SDK1: variants seen among roughly 807,000 people sequenced by gnomAD.
SDK1 encodes the protein sidekick cell adhesion molecule 1, also known as protein sidekick-1.
SDK1 carries 157 observed loss-of-function variants against 245.5 expected under a neutral mutation model. That is an observed-to-expected ratio of 0.64 (90% CI 0.56 to 0.73). The LOEUF is 0.73. Ranked by LOEUF, SDK1 falls within the 30% of genes least tolerant of loss-of-function variation. SDK1 has a pLI of 0.00. For missense variants in SDK1, 3,583 were observed against 3,002.3 expected, an observed-to-expected ratio of 1.19 and a Z score of -4.52; for synonymous variants, 1,647 against 1,278.5, an observed-to-expected ratio of 1.29 and a Z score of -6.15.
chr7:3,953,113 A>G (rs776696980), intron 7 of SDK1, among the ~76,000 whole-genome samples: 18 of 150,970 alleles, frequency 1.2e-4, no homozygotes, highest in Non-Finnish European at 2.2e-4. Context: ...AAATAAGAAA[A>G]CCCTCAGAGA....
In SDK1 at chr7:4,114,892, A is replaced by G. The variant is rs151079734; in HGVS notation, c.3823+618A>G. 2.0e-3 allele frequency among the ~76,000 whole-genome samples: 303 copies of G among 152,272 alleles called. 1 individual carries two copies. Among genetic ancestry groups the G allele is most frequent in the African/African-American group, 6.3e-3 (262 of 41,560 alleles). On this transcript the variant is annotated intron_variant, in intron 25 of 44. Coordinates refer to ENST00000404826, the MANE Select transcript of SDK1 (RefSeq NM_152744.4). The stretch of plus-strand genomic sequence containing the variant: ...CTCTTCAGACCTGTTCAGGAGTGGA[A>G]CGTCACTCTGTTCATCTTCTTGGGG...
intron 22 of SDK1, among the ~76,000 whole-genome samples, chr7:4,091,240 T>C (rs996856148): frequency 6.6e-6 from 1 of 152,078 alleles, no homozygotes; most frequent in African/African-American, 2.4e-5. Context: ...CTCACTTTTC[T>C]ATATCTACAA....
intron 4 of SDK1, among the ~76,000 whole-genome samples, chr7:3,716,281 C>G (rs545365821): frequency 6.6e-6 from 1 of 151,862 alleles, no homozygotes; most frequent in East Asian, 1.9e-4. Flanking sequence ...AAAAAAACTC[C>G]ACAAGCCTAC....
chr7:4,017,461 A>G, intron 17 of SDK1, 109 bp downstream of exon 17: 1 of 948,268 alleles, frequency 1.1e-6, no homozygotes, highest in Non-Finnish European at 1.5e-6. Flanking sequence ...CCAGTCCCCT[A>G]GGGAGCGTTT....
chr7:3,513,451 T>C (rs1409578957), intron 1 of SDK1, among the ~76,000 whole-genome samples: 1 of 152,160 alleles, frequency 6.6e-6, no homozygotes, highest in Non-Finnish European at 1.5e-5. Flanking sequence ...TATCAACTTT[T>C]TGGATGATGT....
At chr7:3,483,521 C>T (rs1326988038) in intron 1 of SDK1, among the ~76,000 whole-genome samples, 1 of 152,062 alleles carries the variant, frequency 6.6e-6, no homozygotes, top group Non-Finnish European at 1.5e-5. Context: ...ATAATCATTT[C>T]CTTGTGAATA....
At chr7:4,210,653 C>T (rs972292365) in intron 38 of SDK1, among the ~76,000 whole-genome samples, 5 of 152,164 alleles carry the variant, frequency 3.3e-5, no homozygotes, top group Non-Finnish European at 5.9e-5. Context: ...GTCCCCTCAG[C>T]GGACATCTAT....
rs767942633 is a variant in SDK1 at position 4,110,789 on chromosome 7, T to TAAGCTGTTA, written c.3434+18_3434+26dup. 1.9e-6 allele frequency: 3 copies of TAAGCTGTTA among 1,557,798 alleles called. No homozygotes were observed. In the South Asian group the frequency reaches 3.3e-5, roughly 17 times the overall value. On this transcript the variant is annotated intron_variant, in intron 23 of 44. Coordinates refer to ENST00000404826, the MANE Select transcript of SDK1 (RefSeq NM_152744.4). ...TCACTACAGGTGAGAACAGCAGTGA[T>TAAGCTGTTA]AAGCTGTTACAGGAGGAAACACTGG...
chr7:3,869,186 C>T (rs1429388228), intron 5 of SDK1, among the ~76,000 whole-genome samples: 1 of 137,028 alleles, frequency 7.3e-6, no homozygotes, highest in Non-Finnish European at 1.5e-5. Context: ...GGCAGGGTCT[C>T]ACTCTGTCGC....
At chr7:3,395,227 G>A (rs920911154) in intron 1 of SDK1, among the ~76,000 whole-genome samples, 1 of 151,872 alleles carries the variant, frequency 6.6e-6, no homozygotes, top group African/African-American at 2.4e-5. Flanking sequence ...TGTACCTGTT[G>A]AGATGTTCAT....
At chr7:3,660,587 A>T (rs1583281872) in intron 4 of SDK1, among the ~76,000 whole-genome samples, 1 of 152,292 alleles carries the variant, frequency 6.6e-6, no homozygotes, top group South Asian at 2.1e-4. Context: ...GGTTGAAAAA[A>T]GGTCCTGTTT....
intron 14 of SDK1, among the ~76,000 whole-genome samples, chr7:3,993,825 G>A (rs10246305): frequency 1.2e-4 from 19 of 152,002 alleles, no homozygotes; most frequent in African/African-American, 3.9e-4. Flanking sequence ...CACTTCTCAC[G>A]CATTCTATCT....
At chr7:3,561,437 G>A (rs560739982) in intron 1 of SDK1, among the ~76,000 whole-genome samples, 4 of 152,208 alleles carry the variant, frequency 2.6e-5, no homozygotes, top group South Asian at 2.1e-4. Flanking sequence ...GTGTTTCTAC[G>A]TGTTAGACTC....
At chr7:3,351,651 A>G (rs1396178933) in intron 1 of SDK1, among the ~76,000 whole-genome samples, 3 of 152,224 alleles carry the variant, frequency 2.0e-5, no homozygotes, top group African/African-American at 7.2e-5. Context: ...GATATCAGAC[A>G]ACATAGAAAT....
chr7:3,769,095 A>G (rs963456282), intron 4 of SDK1, among the ~76,000 whole-genome samples: 2 of 152,180 alleles, frequency 1.3e-5, no homozygotes, highest in African/African-American at 4.8e-5. Flanking sequence ...TTATTTGGAA[A>G]CAATTATTGA....
intron 5 of SDK1, among the ~76,000 whole-genome samples, chr7:3,938,889 A>C (rs915513501): frequency 1.3e-5 from 2 of 152,224 alleles, no homozygotes; most frequent in African/African-American, 4.8e-5. Context: ...AAGAAGATAC[A>C]TTCTTTGTTA....
intron 1 of SDK1, among the ~76,000 whole-genome samples, chr7:3,482,642 A>G (rs1781554206): frequency 6.6e-6 from 1 of 152,198 alleles, no homozygotes; most frequent in Non-Finnish European, 1.5e-5. Flanking sequence ...CTGCTATCCT[A>G]CTGGGGAGGT....
intron 5 of SDK1, among the ~76,000 whole-genome samples, chr7:3,929,100 T>C (rs1413683315): frequency 6.6e-6 from 1 of 152,248 alleles, no homozygotes; most frequent in African/African-American, 2.4e-5. Flanking sequence ...CGAAGGAGTC[T>C]AGGCTGCCTC....
chr7:3,522,601 G>C (rs1256898286), intron 1 of SDK1, among the ~76,000 whole-genome samples: 1 of 152,038 alleles, frequency 6.6e-6, no homozygotes, highest in Non-Finnish European at 1.5e-5. Context: ...TTAAATCAGG[G>C]ATTGATGATT....
Sources: allele counts gnomAD v4.1 joint callset (sites outside exome capture counted in the v4.1 genomes callset), GRCh38; gene constraint gnomAD v4.1.1; transcripts MANE v1.5; gene names NCBI Gene and HGNC (gene_info 2026-07-23, HGNC 2026-07-21).